CDH19: variants seen among roughly 807,000 people sequenced by gnomAD.
CDH19 encodes the protein cadherin 19, also known as cadherin-19.
CDH19 carries 67 observed loss-of-function variants against 64.2 expected under a neutral mutation model. The observed-to-expected ratio is 1.04, with a 90% CI of 0.86 to 1.28. CDH19 has a LOEUF of 1.28. Among genes scored for constraint, CDH19 ranks in the 50% most tolerant of loss-of-function variants. The pLI, the probability that CDH19 is intolerant of heterozygous loss-of-function variation, is 0.00. For missense variants in CDH19, 1,030 were observed against 929.0 expected (o/e 1.11, Z -1.41); for synonymous variants, 346 against 319.3 (o/e 1.08, Z -0.89).
intron 3 of CDH19, among the ~76,000 whole-genome samples, chr18:66,561,517 A>C (rs1987722869): frequency 6.6e-6 from 1 of 152,154 alleles, no homozygotes. Context: ...AAATGATGGG[A>C]ACTCTGAAAA....
chr18:66,531,160 T>C (rs1200559694), intron 8 of CDH19, among the ~76,000 whole-genome samples: 1 of 152,158 alleles, frequency 6.6e-6, no homozygotes, highest in Non-Finnish European at 1.5e-5. Flanking sequence ...AAACTTAAGC[T>C]ACAGTCTAAG....
intron 9 of CDH19, among the ~76,000 whole-genome samples, chr18:66,523,187 T>C (rs975884540): frequency 6.6e-6 from 1 of 152,126 alleles, no homozygotes; most frequent in African/African-American, 2.4e-5. Context: ...ATTCCATATC[T>C]AGGACAGGAA....
At chr18:66,506,634 G>A (rs1985212475) in intron 11 of CDH19, among the ~76,000 whole-genome samples, 1 of 151,742 alleles carries the variant, frequency 6.6e-6, no homozygotes, top group Admixed American at 6.6e-5. Flanking sequence ...AAAAAATTCA[G>A]AACACTTTTG....
chr18:66,587,711 G>A (rs1015513790), intron 1 of CDH19, among the ~76,000 whole-genome samples: 6 of 152,038 alleles, frequency 3.9e-5, no homozygotes, highest in African/African-American at 1.4e-4. Flanking sequence ...GGATGGTGGA[G>A]CCTCTACCAA....
chr18:66,518,333 A>C (rs1985829580), intron 9 of CDH19, among the ~76,000 whole-genome samples: 1 of 152,078 alleles, frequency 6.6e-6, no homozygotes, highest in Non-Finnish European at 1.5e-5. Context: ...TCCCAGGTTC[A>C]AGCGATTCTC....
chr18:66,581,478 G>GAGA (rs1409721352), intron 1 of CDH19, among the ~76,000 whole-genome samples: 1 of 152,036 alleles, frequency 6.6e-6, no homozygotes, highest in Non-Finnish European at 1.5e-5. Context: ...AGTGAACTGG[G>GAGA]AGAAGAGTCA....
intron 9 of CDH19, among the ~76,000 whole-genome samples, chr18:66,524,964 G>C (rs1243902364): frequency 6.6e-6 from 1 of 152,032 alleles, no homozygotes; most frequent in Non-Finnish European, 1.5e-5. Flanking sequence ...GTGCCACCAA[G>C]TTCCCTGCTT....
chr18:66,544,670 G>A lies in CDH19; in HGVS notation c.960+49C>T. On this transcript the variant is annotated intron_variant, in intron 6 of 11. Coordinates refer to ENST00000262150, the MANE Select transcript of CDH19 (RefSeq NM_021153.4). ...TAACCAGCTACACAAAATATGTTAT[G>A]TTTTAATTTTGCGCTATTCTGCAAG... The A allele has an allele frequency of 2.4e-6, 3 of 1,255,562 alleles. No homozygotes were observed. In the South Asian group the frequency reaches 4.5e-5, roughly 19 times the overall value. The allele number at this position is 1,255,562 out of a possible 1,614,324, so 77.8% of individuals were successfully genotyped here. A position where few individuals can be genotyped will look rare whatever the true frequency, so the allele number is the denominator to read the frequency against.
chr18:66,597,162 T>TAAAAAAAAAAAAAAAAAAA (rs71169160), intron 1 of CDH19, among the ~76,000 whole-genome samples: 8 of 86,288 alleles, frequency 9.3e-5, no homozygotes, highest in Non-Finnish European at 1.0e-4. Context: ...AATCTTAAGT[T>TAAAAAAAAAAAAAAAAAAA]AAAAAAAAAA....
At chr18:66,534,249 G>A (rs1201587604) in intron 8 of CDH19, among the ~76,000 whole-genome samples, 3 of 152,090 alleles carry the variant, frequency 2.0e-5, no homozygotes, top group East Asian at 3.9e-4. Context: ...TTATGGTTTA[G>A]TTAAATGGAA....
At chr18:66,541,589 A>G (rs376136796) in intron 7 of CDH19, among the ~76,000 whole-genome samples, 4 of 152,278 alleles carry the variant, frequency 2.6e-5, no homozygotes, top group African/African-American at 9.6e-5. Flanking sequence ...TGTTTGTTAA[A>G]TCAAGCTATA....
At chr18:66,531,260 C>A (rs1053283443) in intron 8 of CDH19, among the ~76,000 whole-genome samples, 1 of 151,826 alleles carries the variant, frequency 6.6e-6, no homozygotes, top group African/African-American at 2.4e-5. Context: ...AAATGTACAA[C>A]AAAAAAGAAT....
chr18:66,592,582 A>T (rs1398894571), intron 1 of CDH19, among the ~76,000 whole-genome samples: 6 of 151,500 alleles, frequency 4.0e-5, no homozygotes, highest in African/African-American at 1.5e-4. Context: ...TCTTCACTCT[A>T]TTTCTGTTAG....
At chr18:66,568,234 T>C (rs1987977902) in intron 3 of CDH19, among the ~76,000 whole-genome samples, 182 bp downstream of exon 3, 1 of 151,844 alleles carries the variant, frequency 6.6e-6, no homozygotes, top group Admixed American at 6.6e-5. Flanking sequence ...AACATTAATA[T>C]GTAGTACCCT....
intron 7 of CDH19, among the ~76,000 whole-genome samples, chr18:66,536,719 A>T (rs1986686716): frequency 6.6e-6 from 1 of 151,592 alleles, no homozygotes; most frequent in Admixed American, 6.6e-5. Flanking sequence ...ATTTTTCTTA[A>T]CCCCTTTTAG....
chr18:66,601,535 C>T (rs868796816), intron 1 of CDH19, among the ~76,000 whole-genome samples: 4 of 152,044 alleles, frequency 2.6e-5, no homozygotes, highest in Middle Eastern at 6.8e-3. Context: ...TCAAATTTCA[C>T]GTGTTGTGCC....
Position 66,504,893 on chromosome 18 carries a change from G to A in CDH19, c.2238C>T (p.Ser746=). ...GTCCCAACTCATTAAGGTAATCATA[G>A]CTTTCATCCTGATCAGAGACTGCTG... ...LESAVSDQDE[S]YDYLNELGPR... Residue 746 remains serine (S), a synonymous_variant, in exon 12 of 12, where the codon AGC becomes AGT. Coordinates refer to ENST00000262150, the MANE Select transcript of CDH19 (RefSeq NM_021153.4). The A allele has an allele frequency of 6.2e-7, 1 of 1,613,350 alleles. No individual in the cohort carries two copies.
intron 9 of CDH19, among the ~76,000 whole-genome samples, chr18:66,529,238 A>G (rs1986339902): frequency 6.6e-6 from 1 of 151,812 alleles, no homozygotes; most frequent in African/African-American, 2.4e-5. Flanking sequence ...TACCTGGTAT[A>G]GCAATTAAAC....
chr18:66,513,093 T>C (rs1985571817), intron 9 of CDH19, among the ~76,000 whole-genome samples: 1 of 151,496 alleles, frequency 6.6e-6, no homozygotes, highest in Non-Finnish European at 1.5e-5. Context: ...GAAATAAGAT[T>C]GATAACAAAG....
Sources: allele counts gnomAD v4.1 joint callset (sites outside exome capture counted in the v4.1 genomes callset), GRCh38; gene constraint gnomAD v4.1.1; transcripts MANE v1.5; gene names NCBI Gene and HGNC (gene_info 2026-07-23, HGNC 2026-07-21).